Variants in LCOR observed in about 807,000 individuals in gnomAD.
LCOR encodes the protein ligand-dependent corepressor.
Under a neutral mutation model 64.4 loss-of-function variants are expected in LCOR, and 14 were observed. That is an observed-to-expected ratio of 0.22 (90% confidence interval 0.14 to 0.34). The LOEUF (loss-of-function observed/expected upper bound fraction) is 0.34. Ranked by LOEUF, LCOR falls within the 10% of genes least tolerant of loss-of-function variation. The pLI is 1.00. For missense variants in LCOR, 1,686 were observed against 1,765.3 expected (o/e 0.96, Z 0.80); for synonymous variants, 643 against 642.5 (o/e 1.00, Z -0.01).
At chr10:96,942,949 G>A (rs962830993) in intron 4 of LCOR, among the ~76,000 whole-genome samples, 1 of 152,100 alleles carries the variant, frequency 6.6e-6, no homozygotes, top group African/African-American at 2.4e-5. Context: ...TTTATTTTCT[G>A]TTATTGTAAG....
At chr10:96,885,031 G>A (rs895540456) in intron 2 of LCOR, among the ~76,000 whole-genome samples, 1 of 152,094 alleles carries the variant, frequency 6.6e-6, no homozygotes, top group African/African-American at 2.4e-5. Context: ...AGACTTTTAA[G>A]TTGTCTTCAC....
chr10:96,935,061 G>C (rs1013675695), intron 4 of LCOR, among the ~76,000 whole-genome samples: 6 of 146,608 alleles, frequency 4.1e-5, no homozygotes, highest in African/African-American at 1.5e-4. Context: ...ATACAATAAT[G>C]TATTATTTTA....
chr10:96,855,443 T>C (rs1277711424), intron 2 of LCOR, among the ~76,000 whole-genome samples: 1 of 152,064 alleles, frequency 6.6e-6, no homozygotes, highest in East Asian at 1.9e-4. Flanking sequence ...TGTTTGTTTG[T>C]TTGTTTTTGA....
chr10:96,847,871 G>A (rs576138853), intron 2 of LCOR, among the ~76,000 whole-genome samples: 108 of 152,322 alleles, frequency 7.1e-4, no homozygotes, highest in African/African-American at 2.5e-3. Flanking sequence ...AACTGACACT[G>A]TGGCATGGGC....
chr10:96,910,221 A>G (rs1846805205), intron 4 of LCOR, among the ~76,000 whole-genome samples: 2 of 152,228 alleles, frequency 1.3e-5, no homozygotes, highest in South Asian at 2.1e-4. Context: ...TTAGAAGAAA[A>G]TACAGATAGA....
At chr10:96,880,646 C>T (rs1251633947) in intron 2 of LCOR, among the ~76,000 whole-genome samples, 1 of 152,194 alleles carries the variant, frequency 6.6e-6, no homozygotes, top group Non-Finnish European at 1.5e-5. Flanking sequence ...AATCCTCCTA[C>T]CTCAGTCTCC....
rs187940627 is a variant in LCOR, at chr10:96,995,814, C to G, written c.*10680C>G. On this transcript the variant is annotated 3_prime_UTR_variant, in exon 8 of 8. Transcript: ENST00000421806. The surrounding 1 kb of genome is among the most constrained non-coding windows in gnomAD (Gnocchi z 4.2). ...CTTGGAAGGATGTCCTGTGTTGTTT[C>G]AGATTCTCTTGTTTGGTTTTGAAGG... 3 of 152,320 alleles carry G rather than the reference C, an allele frequency of 2.0e-5. No homozygotes were observed. The East Asian group carries it at 5.8e-4, about 29-fold the overall frequency. 9.4% of individuals were successfully genotyped at this position (152,320 alleles called of 1,614,324 possible).
chr10:96,848,576 TG>T (rs1845670818), intron 2 of LCOR, among the ~76,000 whole-genome samples: 1 of 152,126 alleles, frequency 6.6e-6, no homozygotes, highest in Non-Finnish European at 1.5e-5. Context: ...GAGAATCACT[TG>T]AACCTGGGAG....
At chr10:96,863,043 C>T (rs1427666489) in intron 2 of LCOR, among the ~76,000 whole-genome samples, 44 of 150,018 alleles carry the variant, frequency 2.9e-4, no homozygotes, top group Admixed American at 4.7e-4. Flanking sequence ...ACCACATGCC[C>T]GGCTAATTTT....
At chr10:96,970,729 G>A (rs1031606158) in intron 7 of LCOR, among the ~76,000 whole-genome samples, 1 of 150,490 alleles carries the variant, frequency 6.6e-6, no homozygotes, top group African/African-American at 2.5e-5. Context: ...GCATGATCTC[G>A]GCTCACCACA....
Position 96,988,772 on chromosome 10 carries a change from G to A in LCOR, c.*3638G>A, listed in dbSNP as rs1427317856. ...CAAGTTCTGTGCAGACTGCCTTTCG[G>A]ATTCCAGATGATCTGTCAAGGGTCT... On this transcript the variant is annotated 3_prime_UTR_variant, in exon 8 of 8. Coordinates refer to ENST00000421806, the MANE Select transcript of LCOR (RefSeq NM_001346516.2). The A allele has an allele frequency of 6.6e-6, 1 of 152,220 alleles. No individual in the cohort carries two copies. Among genetic ancestry groups the A allele is most frequent in the African/African-American group, 2.4e-5 (1 of 41,462 alleles). The allele number at this position is 152,220 out of a possible 1,614,324, so 9.4% of individuals were successfully genotyped here.
chr10:96,871,359 A>AT (rs1002758845), intron 2 of LCOR, among the ~76,000 whole-genome samples: 144 of 147,272 alleles, frequency 9.8e-4, no homozygotes, highest in Admixed American at 8.8e-4. Context: ...CCCAGGCTCA[A>AT]TTTTTTTTTT....
At chr10:96,945,721 T>G (rs1173846544) in intron 5 of LCOR, among the ~76,000 whole-genome samples, 1 of 152,138 alleles carries the variant, frequency 6.6e-6, no homozygotes, top group Non-Finnish European at 1.5e-5. Context: ...ATCTGTTGTG[T>G]TGTTATAGCA....
chr10:96,952,951 C>G (rs1318418187), intron 7 of LCOR, among the ~76,000 whole-genome samples: 1 of 152,042 alleles, frequency 6.6e-6, no homozygotes, highest in Non-Finnish European at 1.5e-5. Flanking sequence ...TTAGCTAATA[C>G]TTAGGCTTAT....
chr10:96,973,617 C>T (rs1158760425), intron 7 of LCOR, among the ~76,000 whole-genome samples: 1 of 152,130 alleles, frequency 6.6e-6, no homozygotes, highest in Non-Finnish European at 1.5e-5. Flanking sequence ...GGTGAGGAAG[C>T]ATTTTTGTTT....
At chr10:96,850,363 A>C (rs1268755315) in intron 2 of LCOR, among the ~76,000 whole-genome samples, 1 of 152,224 alleles carries the variant, frequency 6.6e-6, no homozygotes, top group Non-Finnish European at 1.5e-5. Flanking sequence ...TGGTCTGGAC[A>C]ACATAGTGAG....
intron 4 of LCOR, among the ~76,000 whole-genome samples, chr10:96,920,016 G>A (rs894706133): frequency 6.6e-6 from 1 of 152,116 alleles, no homozygotes; most frequent in Non-Finnish European, 1.5e-5. Context: ...ACCTAGAAAT[G>A]GAATTGTTGG....
At chr10:96,970,413 A>G (rs1327813213) in intron 7 of LCOR, among the ~76,000 whole-genome samples, 1 of 151,896 alleles carries the variant, frequency 6.6e-6, no homozygotes, top group Non-Finnish European at 1.5e-5. Flanking sequence ...TAAATAAATA[A>G]GAGTAAAAAA....
intron 2 of LCOR, 87 bp downstream of exon 2, chr10:96,833,566 T>C (rs1057358335): frequency 7.4e-5 from 37 of 499,776 alleles, no homozygotes; most frequent in Non-Finnish European, 9.6e-5. Flanking sequence ...TCCTCCAGCA[T>C]TGTTACTTCC....
Sources: gnomAD v4.1 joint callset for allele counts (sites outside exome capture counted in the v4.1 genomes callset) on GRCh38, gnomAD v4.1.1 for gene constraint, Gnocchi (gnomAD v3.1) non-coding constraint, MANE v1.5 for transcripts, NCBI Gene and HGNC (gene_info 2026-07-23, HGNC 2026-07-21) for gene names.